Variants in PSTPIP2 observed in about 807,000 individuals in gnomAD.
PSTPIP2 encodes the protein proline-serine-threonine phosphatase-interacting protein 2.
PSTPIP2 carries 33 observed loss-of-function variants against 63.3 expected under a neutral mutation model. The observed-to-expected ratio is 0.52, with a 90% CI of 0.40 to 0.70. The LOEUF (loss-of-function observed/expected upper bound fraction) is 0.70, where lower values mean the gene tolerates loss of function less well. PSTPIP2 is among the 30% of genes least tolerant of loss of function. PSTPIP2 has a pLI of 0.00. For synonymous variants in PSTPIP2, 125 were observed against 132.7 expected (o/e 0.94, Z 0.40); for missense variants, 312 against 400.7 (o/e 0.78, Z 1.89).
intron 1 of PSTPIP2, chr18:46,041,133 A>G (rs1908178169): frequency 6.7e-6 from 3 of 448,984 alleles, no homozygotes; most frequent in Non-Finnish European, 1.3e-5. Flanking sequence ...AGAAGCCAGG[A>G]ACCAGGATTC....
intron 1 of PSTPIP2, among the ~76,000 whole-genome samples, chr18:46,057,711 C>T (rs1220232527): frequency 6.6e-6 from 1 of 151,950 alleles, no homozygotes; most frequent in East Asian, 1.9e-4. Flanking sequence ...CAAAAACCAC[C>T]CATAGGCCAG....
intron 1 of PSTPIP2, among the ~76,000 whole-genome samples, chr18:46,044,669 C>A (rs1201938229): frequency 2.0e-4 from 30 of 151,908 alleles, no homozygotes; most frequent in Non-Finnish European, 2.9e-4. Flanking sequence ...GGATCTAATT[C>A]AACTAAAGAG....
intron 6 of PSTPIP2, among the ~76,000 whole-genome samples, chr18:46,003,845 C>A (rs1011694889): frequency 6.6e-6 from 1 of 151,904 alleles, no homozygotes; most frequent in South Asian, 2.1e-4. Context: ...CAACCTCCAC[C>A]TCCTGGGTTC....
chr18:46,041,917 G>A (rs1908209379), intron 1 of PSTPIP2, among the ~76,000 whole-genome samples: 1 of 152,152 alleles, frequency 6.6e-6, no homozygotes, highest in Non-Finnish European at 1.5e-5. Context: ...TATGGGATAA[G>A]GGGTTTCTAA....
chr18:45,994,374 C>T (rs1485902703), intron 9 of PSTPIP2, among the ~76,000 whole-genome samples: 1 of 152,064 alleles, frequency 6.6e-6, no homozygotes, highest in African/African-American at 2.4e-5. Context: ...CATACCATAG[C>T]TTTTATATAC....
intron 5 of PSTPIP2, chr18:46,010,879 A>C (rs1344129879): frequency 6.8e-6 from 2 of 294,828 alleles, no homozygotes; most frequent in Non-Finnish European, 1.3e-5. Flanking sequence ...GATGTGCTAG[A>C]GTCTATTGAA....
At chr18:46,029,169 G>A in intron 2 of PSTPIP2, 1 of 968,600 alleles carries the variant, frequency 1.0e-6, no homozygotes, top group Non-Finnish European at 1.7e-6. Flanking sequence ...GGTTTTTTAT[G>A]TCTATGACAT....
chr18:46,035,750 G>A (rs1043697784), intron 2 of PSTPIP2, among the ~76,000 whole-genome samples: 1 of 152,302 alleles, frequency 6.6e-6, no homozygotes, highest in Non-Finnish European at 1.5e-5. Context: ...CATAAACACA[G>A]GGGTTGTATG....
chr18:46,012,310 A>AT (rs1006237005), intron 4 of PSTPIP2, among the ~76,000 whole-genome samples: 6 of 152,170 alleles, frequency 3.9e-5, no homozygotes, highest in Admixed American at 6.5e-5. Flanking sequence ...GAAATTTGGC[A>AT]TTTTTTAGAA....
chr18:46,011,579 C>G (rs2051797197), intron 4 of PSTPIP2, among the ~76,000 whole-genome samples: 1 of 152,198 alleles, frequency 6.6e-6, no homozygotes, highest in Admixed American at 6.5e-5. Context: ...ATGAAGGTTA[C>G]ATCCTAGGAG....
At chr18:46,012,905 T>C (rs2051815766) in intron 4 of PSTPIP2, among the ~76,000 whole-genome samples, 1 of 152,168 alleles carries the variant, frequency 6.6e-6, no homozygotes, top group African/African-American at 2.4e-5. Context: ...ATCCCAGAAA[T>C]TGTGGACCAC....
At chr18:46,027,791 A>G (rs1012344929) in intron 2 of PSTPIP2, among the ~76,000 whole-genome samples, 1 of 152,240 alleles carries the variant, frequency 6.6e-6, no homozygotes, top group African/African-American at 2.4e-5. Context: ...ACTAAAATTG[A>G]AATAATAGTC....
At chr18:46,051,406 T>C (rs546194345) in intron 1 of PSTPIP2, among the ~76,000 whole-genome samples, 9 of 151,764 alleles carry the variant, frequency 5.9e-5, no homozygotes, top group Non-Finnish European at 1.0e-4. Flanking sequence ...GCCCGGGAAG[T>C]GGAGGTTGCA....
Position 46,023,940 on chromosome 18 carries a change from G to A in PSTPIP2, c.212+669C>T, listed in dbSNP as rs186959957. On this transcript the variant is annotated intron_variant, in intron 3 of 14. Coordinates refer to ENST00000409746, the MANE Select transcript of PSTPIP2 (RefSeq NM_024430.4). ...AATATAGCCCTACCTACGAAAAGGT[G>A]TACATATAAAAAACTTCAAGAAAAA... Among the ~76,000 whole-genome samples the A allele has an allele frequency of 7.7e-4, 117 of 151,900 alleles. 2 individuals are homozygous for A. Among genetic ancestry groups the A allele is most frequent in the South Asian group, 2.9e-3 (14 of 4,826 alleles).
At chr18:46,068,080 C>T (rs1237939616) in intron 1 of PSTPIP2, among the ~76,000 whole-genome samples, 1 of 150,796 alleles carries the variant, frequency 6.6e-6, no homozygotes, top group Non-Finnish European at 1.5e-5. Flanking sequence ...ATTCAACCAA[C>T]CACAGATGAA....
At chr18:46,028,274 C>G (rs543977709) in intron 2 of PSTPIP2, 1 of 442,040 alleles carries the variant, frequency 2.3e-6, no homozygotes, top group South Asian at 1.9e-5. Flanking sequence ...CACAGTAGAA[C>G]CGCAGCGAAG....
chr18:46,071,935 G>C (rs1568237143), intron 1 of PSTPIP2, among the ~76,000 whole-genome samples: 1 of 152,122 alleles, frequency 6.6e-6, no homozygotes, highest in South Asian at 2.1e-4. Context: ...GGTGGGTAGC[G>C]GGGGACAGAG....
chr18:46,029,274 C>A, intron 2 of PSTPIP2: 3 of 1,385,166 alleles, frequency 2.2e-6, no homozygotes, highest in Non-Finnish European at 3.1e-6. Context: ...GTCCTTCTTG[C>A]TCATAAATGG....
rs774047449 is a variant in PSTPIP2, at chr18:46,005,459, T to A, written c.417+10A>T. ...CATTATCCCAAAAAAGACAATAAAA[T>A]GTGACTCACATCCATGGTTTTCTTG... On this transcript the variant is annotated intron_variant, in intron 6 of 14. Coordinates refer to ENST00000409746, the MANE Select transcript of PSTPIP2 (RefSeq NM_024430.4). The A allele has an allele frequency of 2.0e-5, 31 of 1,577,550 alleles. No homozygotes were observed. The South Asian group carries it at 3.0e-4, about 15-fold the overall frequency.
Sources: allele counts gnomAD v4.1 joint callset (sites outside exome capture counted in the v4.1 genomes callset), GRCh38; gene constraint gnomAD v4.1.1; transcripts MANE v1.5; gene names NCBI Gene and HGNC (gene_info 2026-07-23, HGNC 2026-07-21).